Variants in CTBP2 observed in about 807,000 individuals in gnomAD.
The protein encoded by CTBP2 is C-terminal binding protein 2.
In CTBP2, 30 loss-of-function variants were observed where a neutral mutation model predicts 80.3. The ratio of observed to expected loss-of-function variants is 0.37; its 90% CI spans 0.28 to 0.51. CTBP2 has a LOEUF of 0.51. Ranked by LOEUF, CTBP2 falls within the 20% of genes least tolerant of loss-of-function variation. The pLI, the probability that CTBP2 is intolerant of heterozygous loss-of-function variation, is 0.93. For synonymous variants in CTBP2, 594 were observed against 587.4 expected (o/e 1.01, Z -0.16); for missense variants, 1,212 against 1,375.3 (o/e 0.88, Z 1.88).
intron 2 of CTBP2, among the ~76,000 whole-genome samples, chr10:125,067,640 C>T (rs375599651): frequency 2.0e-5 from 3 of 152,310 alleles, no homozygotes; most frequent in South Asian, 4.1e-4. Context: ...ATAATGTAAA[C>T]CAAAATATGA....
chr10:125,160,438 C>G (rs866448046), exon 1 of CTBP2: 5 of 152,974 alleles, frequency 3.3e-5, no homozygotes, highest in South Asian at 1.8e-4. Context: ...GCTGTGCGGC[C>G]CCCCCTCAGC....
intron 2 of CTBP2, among the ~76,000 whole-genome samples, chr10:125,068,573 G>A (rs80114072): frequency 0.014 from 2,060 of 152,298 alleles, 57 homozygotes; most frequent in South Asian, 0.07. Context: ...CCTGGAGGTG[G>A]CAGCTTTGTC....
chr10:124,986,949 T>A lies in CTBP2; in HGVS notation c.*2569A>T, dbSNP rs1033360269. The A allele has an allele frequency of 1.3e-5, 2 of 152,072 alleles. No individual in the cohort carries two copies. Among genetic ancestry groups the A allele is most frequent in the Non-Finnish European group, 2.9e-5 (2 of 67,942 alleles). The allele number at this position is 152,072 out of a possible 1,614,324, so 9.4% of individuals were successfully genotyped here. A position where few individuals can be genotyped will look rare whatever the true frequency, so the allele number is the denominator to read the frequency against. The stretch of plus-strand genomic sequence containing the variant: ...TGTGTTGTGGTCTGGTGAGTGTTGT[T>A]TCCCCTGAGCGCTCTATTATTTATT... On this transcript the variant is annotated 3_prime_UTR_variant, in exon 9 of 9. Coordinates refer to ENST00000309035, the MANE Select transcript of CTBP2 (RefSeq NM_022802.3).
At chr10:125,159,558 G>A (rs1454453245) in intron 1 of CTBP2, among the ~76,000 whole-genome samples, 1 of 150,082 alleles carries the variant, frequency 6.7e-6, no homozygotes, top group Admixed American at 6.6e-5. Context: ...ATGCGGGGCC[G>A]GCAAAACAAA....
rs1203380994 is a variant in CTBP2, at chr10:124,989,510, A to AT, written c.*7dup. 6.2e-7 allele frequency: 1 copy of AT among 1,611,946 alleles called. No individual in the cohort carries two copies. The highest frequency in any genetic ancestry group is 1.1e-5 in the South Asian group (1 of 90,986). ...TGTATCTGAGTGATTACCTTCTGGC[A>AT]TTCTCTGCTATTGCTCGTTGGGGTG... On this transcript the variant is annotated 3_prime_UTR_variant, in exon 9 of 9. Coordinates refer to ENST00000309035, the MANE Select transcript of CTBP2 (RefSeq NM_022802.3).
At chr10:125,035,821 G>C (rs777557420) in intron 3 of CTBP2, among the ~76,000 whole-genome samples, 1 of 152,220 alleles carries the variant, frequency 6.6e-6, no homozygotes, top group Non-Finnish European at 1.5e-5. Context: ...TATGTCAGCA[G>C]ACTAAACAGA....
chr10:125,161,252 C>T (rs1453878293), upstream of CTBP2: 1 of 151,636 alleles, frequency 6.6e-6, no homozygotes, highest in Non-Finnish European at 1.5e-5. Context: ...GCGGGCACTC[C>T]CTAGCCCGGC....
At chr10:125,123,782 G>C (rs898930637) in intron 1 of CTBP2, among the ~76,000 whole-genome samples, 2 of 152,208 alleles carry the variant, frequency 1.3e-5, no homozygotes, top group Non-Finnish European at 2.9e-5. Flanking sequence ...CTCGTGCTAC[G>C]TCAATTCTTT....
chr10:125,049,391 A>G (rs1590328529), intron 2 of CTBP2, among the ~76,000 whole-genome samples: 1 of 152,202 alleles, frequency 6.6e-6, no homozygotes, highest in South Asian at 2.1e-4. Context: ...ATGCCTTTGG[A>G]TAGACCCCAC....
chr10:125,057,002 G>A (rs985253341), intron 2 of CTBP2, among the ~76,000 whole-genome samples: 1 of 152,292 alleles, frequency 6.6e-6, no homozygotes, highest in South Asian at 2.1e-4. Context: ...TGTCCCCGGG[G>A]TACACAGGGC....
chr10:125,157,866 ACTTTT>A (rs1270801077), intron 1 of CTBP2, among the ~76,000 whole-genome samples: 4 of 152,132 alleles, frequency 2.6e-5, no homozygotes, highest in East Asian at 3.8e-4. Context: ...CATCTCATTA[ACTTTT>A]CTTTTGGGGG....
upstream of CTBP2, among the ~76,000 whole-genome samples, chr10:125,028,254 A>G (rs1957859628): frequency 6.6e-6 from 1 of 152,190 alleles, no homozygotes; most frequent in Non-Finnish European, 1.5e-5. Context: ...TCCAAGCACC[A>G]GGGTACTTTT....
At chr10:125,101,313 T>C (rs941099072) in intron 2 of CTBP2, among the ~76,000 whole-genome samples, 4 of 152,240 alleles carry the variant, frequency 2.6e-5, no homozygotes, top group African/African-American at 9.6e-5. Flanking sequence ...TCAGGCTCTT[T>C]GGTCACACTT....
Position 125,038,014 on chromosome 10 carries a change from T to A in CTBP2, c.58+983A>T, listed in dbSNP as rs528590767. On this transcript the variant is annotated intron_variant, in intron 3 of 10. Coordinates refer to the CTBP2 transcript ENST00000337195. ...GTGAATGTTTACTTTAAAAAAACCC[T>A]TTAACGCCAAACTCCTTATACTGAA... Among the ~76,000 whole-genome samples the A allele has an allele frequency of 2.0e-5, 3 of 152,336 alleles. No homozygotes were observed. The East Asian group carries it at 5.8e-4, about 29-fold the overall frequency.
rs377522316 is a variant in CTBP2 at position 124,991,897 on chromosome 10, G to T, written c.2777+798C>A. ...TTCCTGGGAAGCCAGCAATAATGGGGGGGGGGGTGTGGGAGAAAACCGATT... is the reference window on the plus strand; with the variant it reads ...TTCCTGGGAAGCCAGCAATAATGGGTGGGGGGGTGTGGGAGAAAACCGATT... On this transcript the variant is annotated intron_variant, in intron 8 of 8. Transcript: ENST00000309035. Among the ~76,000 whole-genome samples, 109 of 144,256 alleles carry T rather than the reference G, an allele frequency of 7.6e-4. 2 individuals are homozygous for T. The highest frequency in any genetic ancestry group is 2.6e-3 in the African/African-American group (100 of 38,952). 94.6% of individuals were successfully genotyped at this position (144,256 alleles called of 152,430 possible). A position where few individuals can be genotyped will look rare whatever the true frequency, so the allele number is the denominator to read the frequency against.
intron 1 of CTBP2, chr10:125,133,564 C>T (rs1856509557): frequency 6.6e-6 from 1 of 152,244 alleles, no homozygotes; most frequent in Non-Finnish European, 1.5e-5. Flanking sequence ...GCCACCTCTT[C>T]GGAGGGTGTC....
At chr10:124,990,022 G>C (rs188148432) in intron 8 of CTBP2, among the ~76,000 whole-genome samples, 74 of 150,574 alleles carry the variant, frequency 4.9e-4, no homozygotes, top group Admixed American at 1.9e-3. Context: ...ACAGGCGAGA[G>C]ACACCAGGCC....
intron 3 of CTBP2, among the ~76,000 whole-genome samples, chr10:125,033,944 A>G (rs1958547088): frequency 6.6e-6 from 1 of 152,160 alleles, no homozygotes; most frequent in South Asian, 2.1e-4. Context: ...TGAAAACCGC[A>G]GCTGCAGAAC....
intron 1 of CTBP2, among the ~76,000 whole-genome samples, chr10:125,023,123 G>A (rs570274867): frequency 3.5e-4 from 53 of 152,282 alleles, no homozygotes; most frequent in African/African-American, 9.9e-4. Flanking sequence ...CAGACCACGC[G>A]CTCCTCCCTC....
Sources: gnomAD v4.1 joint callset for allele counts (sites outside exome capture counted in the v4.1 genomes callset) on GRCh38, gnomAD v4.1.1 for gene constraint, MANE v1.5 for transcripts, NCBI Gene and HGNC (gene_info 2026-07-23, HGNC 2026-07-21) for gene names.